Variants in TMEM135 observed in about 807,000 individuals in gnomAD.
The protein encoded by TMEM135 is peroxisomal membrane protein 52.
A neutral mutation model predicts 60.3 loss-of-function variants in TMEM135; 30 were observed. The observed-to-expected ratio is 0.50, with a 90% CI of 0.37 to 0.68. TMEM135 has a LOEUF of 0.68. Among genes scored for constraint, TMEM135 ranks in the 30% least tolerant of loss-of-function variants. The probability of loss-of-function intolerance (pLI) is 0.00; values close to 1 mark genes in which losing one functional copy is unlikely to be tolerated. For missense variants in TMEM135, 468 were observed against 548.8 expected, an observed-to-expected ratio of 0.85 and a Z score of 1.47; for synonymous variants, 190 against 186.7, an observed-to-expected ratio of 1.02 and a Z score of -0.14.
At chr11:87,113,513 T>C (rs1211784307) in intron 4 of TMEM135, among the ~76,000 whole-genome samples, 2 of 152,106 alleles carry the variant, frequency 1.3e-5, no homozygotes, top group East Asian at 3.9e-4. Flanking sequence ...TTTAGTTTAT[T>C]GTGTTGGTTA....
intron 4 of TMEM135, among the ~76,000 whole-genome samples, chr11:87,136,363 G>T (rs1174892866): frequency 1.3e-5 from 2 of 151,946 alleles, no homozygotes; most frequent in African/African-American, 2.4e-5. Context: ...ATCCCATTCA[G>T]TGTATTATTC....
intron 5 of TMEM135, among the ~76,000 whole-genome samples, chr11:87,232,381 C>T (rs1940908344): frequency 6.6e-6 from 1 of 151,980 alleles, no homozygotes; most frequent in African/African-American, 2.4e-5. Context: ...GAAATAATGA[C>T]TGAAAATTAC....
At chr11:87,152,206 A>G (rs944700134) in intron 4 of TMEM135, among the ~76,000 whole-genome samples, 1 of 151,986 alleles carries the variant, frequency 6.6e-6, no homozygotes, top group African/African-American at 2.4e-5. Context: ...TCATGCTCCA[A>G]AGTTTCATTG....
chr11:87,128,246 T>A (rs1197828186), intron 4 of TMEM135, among the ~76,000 whole-genome samples: 1 of 152,234 alleles, frequency 6.6e-6, no homozygotes, highest in African/African-American at 2.4e-5. Flanking sequence ...TAATTGTGCC[T>A]GTATATGCAT....
intron 7 of TMEM135, among the ~76,000 whole-genome samples, chr11:87,300,340 G>C (rs1262893869): frequency 6.6e-6 from 1 of 152,140 alleles, no homozygotes; most frequent in Non-Finnish European, 1.5e-5. Flanking sequence ...ACACAACCAC[G>C]GGAGAAAAGC....
chr11:87,144,468 A>G (rs1938351167), intron 4 of TMEM135, among the ~76,000 whole-genome samples: 1 of 152,248 alleles, frequency 6.6e-6, no homozygotes, highest in South Asian at 2.1e-4. Context: ...TCATTTATAT[A>G]AACAGGTGGC....
intron 1 of TMEM135, among the ~76,000 whole-genome samples, chr11:87,053,882 C>T (rs575432293): frequency 1.3e-5 from 2 of 152,140 alleles, no homozygotes; most frequent in Admixed American, 6.5e-5. Context: ...TTGATATGCT[C>T]TTAATGTTGT....
chr11:87,252,482 TAG>T (rs1281412831), intron 6 of TMEM135, among the ~76,000 whole-genome samples: 1 of 152,108 alleles, frequency 6.6e-6, no homozygotes, highest in African/African-American at 2.4e-5. Flanking sequence ...CTTATAAAAA[TAG>T]ACATGGAGCC....
chr11:87,084,794 T>A lies in TMEM135; in HGVS notation c.363-6568T>A, dbSNP rs116512032. ...GAGCTTTCCCAGCCTTCTAATCTAG[T>A]GACTCTCAGTAGAATGGGAGTATAG... On this transcript the variant is annotated intron_variant, in intron 3 of 14. Coordinates refer to ENST00000305494, the MANE Select transcript of TMEM135 (RefSeq NM_022918.4). 1.8e-3 allele frequency among the ~76,000 whole-genome samples: 268 copies of A among 152,366 alleles called. 3 individuals are homozygous for A. The highest frequency in any genetic ancestry group is 6.1e-3 in the African/African-American group (252 of 41,590).
intron 5 of TMEM135, among the ~76,000 whole-genome samples, chr11:87,221,683 T>C (rs1940619812): frequency 6.6e-6 from 1 of 152,160 alleles, no homozygotes; most frequent in Non-Finnish European, 1.5e-5. Context: ...ATAAATTTCT[T>C]TCTTCTATCA....
chr11:87,051,202 C>A (rs1252599602), intron 1 of TMEM135, among the ~76,000 whole-genome samples: 1 of 46,500 alleles, frequency 2.2e-5, no homozygotes, highest in African/African-American at 2.0e-4. Context: ...AACCCACAGC[C>A]AATATCATAC....
intron 4 of TMEM135, among the ~76,000 whole-genome samples, chr11:87,121,963 C>G (rs1014497172): frequency 7.9e-5 from 12 of 152,068 alleles, no homozygotes. Flanking sequence ...AAGGGTAGAT[C>G]ATAGTAGGAC....
At chr11:87,185,407 A>C (rs1350110324) in intron 5 of TMEM135, among the ~76,000 whole-genome samples, 1 of 152,106 alleles carries the variant, frequency 6.6e-6, no homozygotes, top group South Asian at 2.1e-4. Flanking sequence ...AAAGCTTCTC[A>C]CAGTCTGATT....
At chr11:87,158,171 C>T (rs1246404782) in intron 5 of TMEM135, among the ~76,000 whole-genome samples, 1 of 152,150 alleles carries the variant, frequency 6.6e-6, no homozygotes, top group Middle Eastern at 3.2e-3. Context: ...AGCGATTATC[C>T]TGCCTTTACC....
At chr11:87,313,593 C>T (rs1942678259) in intron 11 of TMEM135, 105 bp downstream of exon 11, 1 of 1,017,690 alleles carries the variant, frequency 9.8e-7, no homozygotes, top group Non-Finnish European at 1.5e-6. Flanking sequence ...CTTCCTTTCT[C>T]TATCGTAATA....
At chr11:87,259,112 A>T (rs1483279293) in intron 6 of TMEM135, 4 of 852,226 alleles carry the variant, frequency 4.7e-6, no homozygotes, top group Non-Finnish European at 7.9e-6. Flanking sequence ...CCCTCTTCGG[A>T]AACATCTCCA....
intron 4 of TMEM135, among the ~76,000 whole-genome samples, chr11:87,107,598 C>T (rs1375748348): frequency 6.6e-6 from 1 of 152,104 alleles, no homozygotes; most frequent in Non-Finnish European, 1.5e-5. Context: ...ATGAACTCAT[C>T]TTTTTTATGG....
chr11:87,196,310 A>G (rs1015919016), intron 5 of TMEM135, among the ~76,000 whole-genome samples: 1 of 152,166 alleles, frequency 6.6e-6, no homozygotes, highest in Non-Finnish European at 1.5e-5. Flanking sequence ...AGGTATATTC[A>G]TATTTTAATT....
chr11:87,152,227 T>C (rs1938574978), intron 4 of TMEM135, among the ~76,000 whole-genome samples: 1 of 152,236 alleles, frequency 6.6e-6, no homozygotes, highest in Non-Finnish European at 1.5e-5. Flanking sequence ...ATATTTTTTG[T>C]GTTCTGTCTG....
Sources: gnomAD v4.1 joint callset for allele counts (sites outside exome capture counted in the v4.1 genomes callset) on GRCh38, gnomAD v4.1.1 for gene constraint, MANE v1.5 for transcripts, NCBI Gene and HGNC (gene_info 2026-07-23, HGNC 2026-07-21) for gene names.